ZNF283: variants seen among roughly 807,000 people sequenced by gnomAD.
The protein encoded by ZNF283 is zinc finger protein 283.
ZNF283 carries 10 observed loss-of-function variants against 9.2 expected under a neutral mutation model. The observed-to-expected ratio is 1.09, with a 90% CI of 0.67 to 1.85. The LOEUF is 1.85. ZNF283 is among the 40% of genes most tolerant of loss of function. The pLI, the probability that ZNF283 is intolerant of heterozygous loss-of-function variation, is 0.00. For synonymous variants in ZNF283, 234 were observed against 244.1 expected (o/e 0.96, Z 0.38); for missense variants, 631 against 760.1 (o/e 0.83, Z 2.00).
At chr19:43,845,276 T>G (rs976944042) in intron 6 of ZNF283, among the ~76,000 whole-genome samples, 1 of 152,164 alleles carries the variant, frequency 6.6e-6, no homozygotes, top group African/African-American at 2.4e-5. Context: ...GAAACCTGAT[T>G]GTTTCTAGTA....
At chr19:43,830,676 G>A (rs941125759) in intron 2 of ZNF283, among the ~76,000 whole-genome samples, 1 of 152,068 alleles carries the variant, frequency 6.6e-6, no homozygotes, top group Admixed American at 6.6e-5. Context: ...GCCGAGGCGG[G>A]TGGATCACTT....
intron 6 of ZNF283, among the ~76,000 whole-genome samples, chr19:43,845,597 G>A (rs1227824610): frequency 6.6e-6 from 1 of 152,120 alleles, no homozygotes; most frequent in Non-Finnish European, 1.5e-5. Context: ...CTAAAAGCAT[G>A]AAAATTATTT....
chr19:43,848,781 C>A lies in ZNF283; in HGVS notation c.*140C>A. 2.6e-6 allele frequency: 2 copies of A among 762,988 alleles called. No individual in the cohort carries two copies. The highest frequency in any genetic ancestry group is 2.0e-6 in the Non-Finnish European group (1 of 511,878). The allele number at this position is 762,988 out of a possible 1,614,324, so 47.3% of individuals were successfully genotyped here. A position where few individuals can be genotyped will look rare whatever the true frequency, so the allele number is the denominator to read the frequency against. The stretch of plus-strand genomic sequence containing the variant: ...TGTTTATGGGCAATTATCTTGCTAT[C>A]CAGCAATTCATACTAGTGAGAAATA... On this transcript the variant is annotated 3_prime_UTR_variant, in exon 7 of 7. Coordinates refer to ENST00000618787, the MANE Select transcript of ZNF283 (RefSeq NM_181845.2).
intron 6 of ZNF283, chr19:43,840,919 G>C (rs1599724303): frequency 6.6e-6 from 1 of 151,618 alleles, no homozygotes; most frequent in Non-Finnish European, 1.5e-5. Flanking sequence ...AGCCAGGATG[G>C]TCTCAATCTC....
At chr19:43,828,470 C>G (rs574208834) in intron 2 of ZNF283, among the ~76,000 whole-genome samples, 189 bp downstream of exon 2, 5 of 152,122 alleles carry the variant, frequency 3.3e-5, no homozygotes, top group Non-Finnish European at 7.3e-5. Context: ...TTCTTACCCA[C>G]CTGTTCATAT....
At chr19:43,840,691 CTT>C (rs34863858) in intron 6 of ZNF283, 46 of 146,560 alleles carry the variant, frequency 3.1e-4, no homozygotes, top group Non-Finnish European at 5.0e-4. Context: ...CTCTCTCTCT[CTT>C]TTTTTTTTTT....
At chr19:43,846,858 G>T in intron 6 of ZNF283, 81 bp from the exon 7 acceptor site, 1 of 1,046,138 alleles carries the variant, frequency 9.6e-7, no homozygotes. Flanking sequence ...CTCCTAATTT[G>T]TCTTTTATTT....
At position 43,851,894 on chromosome 19, in the gene ZNF283, G is replaced by A. The variant is rs1476484350; in HGVS notation, c.*3253G>A. On this transcript the variant is annotated 3_prime_UTR_variant, in exon 7 of 7. Coordinates refer to ENST00000618787, the MANE Select transcript of ZNF283 (RefSeq NM_181845.2). Reference sequence around the variant, plus strand: ...CTGCTATAACCAAAAGAGAATTTCAGTCACCATGTCTGGTTGTTAGCTATG... The same window carrying A: ...CTGCTATAACCAAAAGAGAATTTCAATCACCATGTCTGGTTGTTAGCTATG... 2 of 152,206 alleles carry A rather than the reference G, an allele frequency of 1.3e-5. No homozygotes were observed. The highest frequency in any genetic ancestry group is 2.9e-5 in the Non-Finnish European group (2 of 68,044). The allele number at this position is 152,206 out of a possible 1,614,324, so 9.4% of individuals were successfully genotyped here. A position where few individuals can be genotyped will look rare whatever the true frequency, so the allele number is the denominator to read the frequency against.
chr19:43,837,187 C>A lies in ZNF283; in HGVS notation c.337+8C>A. The stretch of plus-strand genomic sequence containing the variant: ...GTAACTTGGTGTCACTGGGTAAGGT[C>A]ATCTGCCTGAAATAATTTAGAGTCT... On this transcript the variant is annotated splice_region_variant and intron_variant, in intron 6 of 6. Transcript: ENST00000618787. The A allele has an allele frequency of 6.3e-7, 1 of 1,582,766 alleles. No individual in the cohort carries two copies. Among genetic ancestry groups the A allele is most frequent in the Non-Finnish European group, 8.6e-7 (1 of 1,166,652 alleles).
At chr19:43,834,585 A>AT (rs1172992595) in intron 4 of ZNF283, among the ~76,000 whole-genome samples, 2 of 151,020 alleles carry the variant, frequency 1.3e-5, no homozygotes, top group African/African-American at 4.8e-5. Context: ...TTTATTTTTT[A>AT]TTTTTTATTT....
chr19:43,831,190 G>A, intron 2 of ZNF283, 128 bp from the exon 3 acceptor site: 1 of 545,460 alleles, frequency 1.8e-6, no homozygotes, highest in Non-Finnish European at 3.2e-6. Context: ...GTCATTCACT[G>A]AAGAAGTGGA....
chr19:43,849,013 G>A lies in ZNF283; in HGVS notation c.*372G>A. The A allele has an allele frequency of 5.8e-6, 1 of 173,852 alleles. No individual in the cohort carries two copies. Among genetic ancestry groups the A allele is most frequent in the African/African-American group, 2.4e-5 (1 of 41,906 alleles). The allele number at this position is 173,852 out of a possible 1,614,324, so 10.8% of individuals were successfully genotyped here. On this transcript the variant is annotated 3_prime_UTR_variant, in exon 7 of 7. Transcript: ENST00000618787. Reference sequence around the variant, plus strand: ...GTGGGAAGGACCTAAACTTAATTCAGTTCTTGCTGCACATCAGAGAATTCA... The same window carrying A: ...GTGGGAAGGACCTAAACTTAATTCAATTCTTGCTGCACATCAGAGAATTCA...
chr19:43,830,593 G>T (rs1245826228), intron 2 of ZNF283, among the ~76,000 whole-genome samples: 2 of 151,954 alleles, frequency 1.3e-5, no homozygotes, highest in Non-Finnish European at 2.9e-5. Context: ...GTAATTGCCG[G>T]GAAAGAGCTT....
At chr19:43,834,710 C>T (rs895115961) in intron 4 of ZNF283, among the ~76,000 whole-genome samples, 1 of 152,118 alleles carries the variant, frequency 6.6e-6, no homozygotes, top group Non-Finnish European at 1.5e-5. Flanking sequence ...ATTCTCCTGC[C>T]TCAGCCTCCT....
Position 43,848,142 on chromosome 19 carries a change from C to G in ZNF283, c.1541C>G (p.Pro514Arg), listed in dbSNP as rs1301378020. 1 of 1,613,674 alleles carries G rather than the reference C, an allele frequency of 6.2e-7. No homozygotes were observed. The highest frequency in any genetic ancestry group is 1.7e-5 in the Admixed American group (1 of 59,972). The change falls in exon 7 of 7, where the codon CCC (proline) becomes CGC (arginine). Residue 514 changes from proline to arginine, a missense_variant. By Grantham distance (103) the Pro-to-Arg change is moderately radical. This residue lies in a region of ZNF283 where 444 missense variants were observed against 522.5 expected (regional missense o/e 0.85). Transcript: ENST00000618787. ...RHQVFHTGEK[P>R]YECKECGKAF... ...CAGGTATTTCACACTGGTGAGAAAC[C>G]CTATGAATGTAAGGAATGTGGGAAG...
rs1971547593 is a variant in ZNF283, at chr19:43,849,506, A to G, written c.*865A>G. The G allele has an allele frequency of 6.6e-6, 1 of 152,192 alleles. No individual in the cohort carries two copies. The highest frequency in any genetic ancestry group is 1.9e-4 in the East Asian group (1 of 5,192). 9.4% of individuals were successfully genotyped at this position (152,192 alleles called of 1,614,324 possible). A position where few individuals can be genotyped will look rare whatever the true frequency, so the allele number is the denominator to read the frequency against. Reference sequence around the variant, plus strand: ...AGATTTGGCAAATGAGGGAATCAAAATTTTCTAATGCCTGTAACAGCATAA... The same window carrying G: ...AGATTTGGCAAATGAGGGAATCAAAGTTTTCTAATGCCTGTAACAGCATAA... On this transcript the variant is annotated 3_prime_UTR_variant, in exon 7 of 7. Transcript: ENST00000618787.
At chr19:43,829,152 G>A (rs1344244201) in intron 2 of ZNF283, among the ~76,000 whole-genome samples, 2 of 152,224 alleles carry the variant, frequency 1.3e-5, no homozygotes, top group Admixed American at 6.5e-5. Context: ...TTGGGAGGCT[G>A]AGGGAGGTGG....
Position 43,837,036 on chromosome 19 carries a change from T to A in ZNF283, c.211-17T>A, listed in dbSNP as rs948661387. ...TTTCTTTAATTTCACAAGTAATACATGGGTTTTTGGTTTTAGGGGTTGGTG... is the reference window on the plus strand; with the variant it reads ...TTTCTTTAATTTCACAAGTAATACAAGGGTTTTTGGTTTTAGGGGTTGGTG... On this transcript the variant is annotated splice_polypyrimidine_tract_variant and intron_variant, in intron 5 of 6. Transcript: ENST00000618787. 6.2e-7 allele frequency: 1 copy of A among 1,613,456 alleles called. No individual in the cohort carries two copies. The highest frequency in any genetic ancestry group is 8.5e-7 in the Non-Finnish European group (1 of 1,179,818).
rs1315812782 is a variant in ZNF283, at chr19:43,847,203, A to G, written c.602A>G (p.His201Arg). Residue 201 changes from histidine to arginine, a missense_variant, in exon 7 of 7, where the codon CAT (histidine) becomes CGT (arginine). His to Arg is a conservative substitution (Grantham distance 29). Transcript: ENST00000618787. ...SKSLTPHQRIHNTEKSYVCKE... is the reference protein window; with the variant it reads ...SKSLTPHQRIRNTEKSYVCKE... The stretch of plus-strand genomic sequence containing the variant: ...TCTCTTACTCCACATCAAAGAATTC[A>G]TAATACAGAGAAATCCTATGTTTGT... The G allele has an allele frequency of 1.9e-6, 3 of 1,613,810 alleles. No homozygotes were observed. In the East Asian group the frequency reaches 6.7e-5, roughly 36 times the overall value.
Sources: gnomAD v4.1 joint callset for allele counts (sites outside exome capture counted in the v4.1 genomes callset) on GRCh38, gnomAD v4.1.1 for gene constraint, gnomAD v4.1.1 regional missense constraint, MANE v1.5 for transcripts, NCBI Gene and HGNC (gene_info 2026-07-23, HGNC 2026-07-21) for gene names.